The following TAFA2 variants were observed in gnomAD, a reference collection of about 807,000 sequenced individuals.
TAFA2 encodes the protein TAFA chemokine like family member 2.
TAFA2 carries 7 observed loss-of-function variants against 18.8 expected under a neutral mutation model. That is an observed-to-expected ratio of 0.37 (90% CI 0.21 to 0.70). The LOEUF is 0.70. TAFA2 is among the 30% of genes least tolerant of loss of function. The probability of loss-of-function intolerance (pLI) is 0.53; values close to 1 mark genes in which losing one functional copy is unlikely to be tolerated. For missense variants in TAFA2, 122 were observed against 158.1 expected (o/e 0.77, Z 1.23); for synonymous variants, 60 against 54.2 (o/e 1.11, Z -0.47).
intron 1 of TAFA2, among the ~76,000 whole-genome samples, chr12:61,989,183 G>A (rs1168135102): frequency 6.6e-6 from 1 of 152,088 alleles, no homozygotes; most frequent in South Asian, 2.1e-4. Context: ...TGAAGGTTGT[G>A]ATCCCAATTT....
chr12:62,143,920 T>C (rs2062258790), intron 1 of TAFA2, among the ~76,000 whole-genome samples: 1 of 151,598 alleles, frequency 6.6e-6, no homozygotes, highest in African/African-American at 2.4e-5. Context: ...TGGTGGCACA[T>C]GCCTGTGGTC....
chr12:61,879,629 G>C, intron 1 of TAFA2: 1 of 828,838 alleles, frequency 1.2e-6, no homozygotes. Flanking sequence ...AAACAAGTTT[G>C]CCTCCTTCAT....
intron 1 of TAFA2, among the ~76,000 whole-genome samples, chr12:61,955,153 G>T (rs1053603147): frequency 2.0e-5 from 3 of 152,094 alleles, no homozygotes; most frequent in African/African-American, 7.2e-5. Flanking sequence ...TATCTGGATT[G>T]TAAACTTACT....
chr12:61,831,491 A>C (rs984320261), intron 2 of TAFA2, among the ~76,000 whole-genome samples: 9 of 152,052 alleles, frequency 5.9e-5, no homozygotes, highest in Non-Finnish European at 1.2e-4. Flanking sequence ...CCCTGAATCC[A>C]CCAATTTTCT....
intron 2 of TAFA2, among the ~76,000 whole-genome samples, chr12:61,778,320 C>T (rs1870358606): frequency 2.0e-5 from 3 of 151,714 alleles, no homozygotes; most frequent in Non-Finnish European, 4.4e-5. Flanking sequence ...ATTCTGCTAC[C>T]ATCCCCACCC....
At chr12:61,746,527 C>T (rs1868716456) in intron 4 of TAFA2, among the ~76,000 whole-genome samples, 1 of 152,072 alleles carries the variant, frequency 6.6e-6, no homozygotes, top group Admixed American at 6.6e-5. Context: ...AGAAACAAAG[C>T]CCTGTTGTGA....
chr12:61,849,510 C>G (rs1440105523), intron 2 of TAFA2, among the ~76,000 whole-genome samples: 1 of 152,158 alleles, frequency 6.6e-6, no homozygotes, highest in Non-Finnish European at 1.5e-5. Context: ...ATCCAAATAT[C>G]ATGGCTAGAC....
intron 1 of TAFA2, among the ~76,000 whole-genome samples, chr12:62,088,140 T>C (rs758241810): frequency 5.3e-5 from 8 of 152,034 alleles, no homozygotes; most frequent in Non-Finnish European, 8.8e-5. Context: ...AAATTTGTAG[T>C]ATTGATGTTT....
At chr12:61,952,027 A>ACT (rs1233350235) in intron 1 of TAFA2, among the ~76,000 whole-genome samples, 4 of 152,156 alleles carry the variant, frequency 2.6e-5, no homozygotes, top group African/African-American at 9.7e-5. Flanking sequence ...CTGATGGCTA[A>ACT]GTGGTGAGGA....
chr12:61,786,930 A>G (rs1870762353), intron 2 of TAFA2, among the ~76,000 whole-genome samples: 1 of 151,520 alleles, frequency 6.6e-6, no homozygotes, highest in Non-Finnish European at 1.5e-5. Context: ...AATCCAAAAG[A>G]ACTCAGAAAA....
intron 1 of TAFA2, among the ~76,000 whole-genome samples, chr12:61,962,035 C>T (rs191852852): frequency 6.6e-6 from 1 of 152,106 alleles, no homozygotes; most frequent in Admixed American, 6.6e-5. Context: ...ATAGTAAACA[C>T]TTGATTTACA....
At chr12:61,962,543 T>G (rs1878922289) in intron 1 of TAFA2, among the ~76,000 whole-genome samples, 1 of 152,032 alleles carries the variant, frequency 6.6e-6, no homozygotes, top group Admixed American at 6.6e-5. Context: ...CTCATGGGAA[T>G]TCTTTTTTTA....
At chr12:62,111,570 T>C (rs536685162) in intron 1 of TAFA2, among the ~76,000 whole-genome samples, 2 of 152,236 alleles carry the variant, frequency 1.3e-5, no homozygotes, top group Non-Finnish European at 2.9e-5. Flanking sequence ...TTGATCTGTC[T>C]AATACTGACA....
intron 2 of TAFA2, among the ~76,000 whole-genome samples, chr12:61,822,618 G>T (rs1872366560): frequency 6.6e-6 from 1 of 152,044 alleles, no homozygotes; most frequent in African/African-American, 2.4e-5. Flanking sequence ...TCAGACACAG[G>T]AATTATTTTT....
chr12:61,954,699 T>C (rs1468885558), intron 1 of TAFA2, among the ~76,000 whole-genome samples: 1 of 152,134 alleles, frequency 6.6e-6, no homozygotes, highest in African/African-American at 2.4e-5. Context: ...TTAATTTTAT[T>C]TTTGTGAGCT....
intron 1 of TAFA2, among the ~76,000 whole-genome samples, chr12:62,053,292 T>C (rs1882103636): frequency 6.6e-6 from 1 of 152,226 alleles, no homozygotes; most frequent in African/African-American, 2.4e-5. Context: ...CTTGTTTTGT[T>C]AGCATAAGAT....
At chr12:62,086,656 A>T (rs1454681454) in intron 1 of TAFA2, among the ~76,000 whole-genome samples, 1 of 152,096 alleles carries the variant, frequency 6.6e-6, no homozygotes, top group African/African-American at 2.4e-5. Context: ...GTGGGGAATG[A>T]ATGTTAGTGA....
chr12:61,878,874 T>C (rs1565666615), intron 1 of TAFA2, among the ~76,000 whole-genome samples: 1 of 152,194 alleles, frequency 6.6e-6, no homozygotes, highest in African/African-American at 2.4e-5. Flanking sequence ...TAAGAACTTT[T>C]ACATCTGTGA....
At chr12:62,079,574 G>A (rs956779147) in intron 1 of TAFA2, among the ~76,000 whole-genome samples, 12 of 151,462 alleles carry the variant, frequency 7.9e-5, no homozygotes, top group Admixed American at 6.6e-5. Flanking sequence ...GGAGGCAGGA[G>A]AATTGCTTGA....
Sources: gnomAD v4.1 joint callset for allele counts (sites outside exome capture counted in the v4.1 genomes callset) on GRCh38, gnomAD v4.1.1 for gene constraint, MANE v1.5 for transcripts, NCBI Gene and HGNC (gene_info 2026-07-23, HGNC 2026-07-21) for gene names.